Variants in ADGRV1 observed in about 807,000 individuals in gnomAD.
ADGRV1 encodes the protein adhesion G protein-coupled receptor V1, also known as G-protein coupled receptor 98.
A neutral mutation model predicts 596.2 loss-of-function variants in ADGRV1; 359 were observed. The ratio of observed to expected loss-of-function variants is 0.60; its 90% CI spans 0.55 to 0.66. The LOEUF is 0.66. ADGRV1 is among the 30% of genes least tolerant of loss of function. The pLI is 0.00. For missense variants in ADGRV1, 7,274 were observed against 7,575.6 expected, an observed-to-expected ratio of 0.96 and a Z score of 1.48; for synonymous variants, 2,681 against 2,679.2, an observed-to-expected ratio of 1.00 and a Z score of -0.02.
intron 59 of ADGRV1, among the ~76,000 whole-genome samples, chr5:90,771,735 A>G (rs181889033): frequency 3.3e-4 from 50 of 152,336 alleles, no homozygotes; most frequent in Admixed American, 3.3e-3. Flanking sequence ...GTTGCTCTGC[A>G]CTGCTATTCA....
chr5:90,674,283 T>A, intron 23 of ADGRV1, 49 bp downstream of exon 23: 1 of 1,432,120 alleles, frequency 7.0e-7, no homozygotes, highest in Non-Finnish European at 9.3e-7. Context: ...TGGGTGTACT[T>A]AGTTTTGTTA....
intron 45 of ADGRV1, among the ~76,000 whole-genome samples, chr5:90,724,299 G>A (rs976825985): frequency 6.6e-5 from 10 of 151,718 alleles, no homozygotes; most frequent in African/African-American, 1.9e-4. Flanking sequence ...GCACTATCTC[G>A]GCTCACTACA....
intron 86 of ADGRV1, among the ~76,000 whole-genome samples, chr5:91,082,122 G>A (rs954602429): frequency 6.6e-6 from 1 of 152,194 alleles, no homozygotes; most frequent in Non-Finnish European, 1.5e-5. Flanking sequence ...TGTTGTTTAG[G>A]TGTGTTGCAC....
chr5:90,815,509 A>G (rs1327640252), intron 74 of ADGRV1, 110 bp from the exon 75 acceptor site: 1 of 593,202 alleles, frequency 1.7e-6, no homozygotes, highest in Non-Finnish European at 3.0e-6. Flanking sequence ...TCTCCTCACC[A>G]CCTGTGAATT....
intron 29 of ADGRV1, among the ~76,000 whole-genome samples, chr5:90,688,278 A>G (rs1206996180): frequency 2.0e-5 from 3 of 152,208 alleles, no homozygotes; most frequent in Admixed American, 1.3e-4. Flanking sequence ...CAAACCTGAG[A>G]AAAACAGCAA....
chr5:90,583,484 C>T (rs1316321491), intron 1 of ADGRV1, among the ~76,000 whole-genome samples: 1 of 152,072 alleles, frequency 6.6e-6, no homozygotes, highest in Non-Finnish European at 1.5e-5. Flanking sequence ...TTTCATGGCA[C>T]CATACATTTG....
At chr5:90,813,029 A>G (rs1055229451) in intron 74 of ADGRV1, among the ~76,000 whole-genome samples, 4 of 145,766 alleles carry the variant, frequency 2.7e-5, no homozygotes, top group Non-Finnish European at 4.5e-5. Context: ...GCTACTCGGG[A>G]GGCTGAGGCA....
At chr5:90,580,948 TTTTA>T (rs1757950810) in intron 1 of ADGRV1, among the ~76,000 whole-genome samples, 1 of 152,180 alleles carries the variant, frequency 6.6e-6, no homozygotes, top group Non-Finnish European at 1.5e-5. Flanking sequence ...GCTTTGTTCG[TTTTA>T]TTTTACTCTT....
intron 83 of ADGRV1, among the ~76,000 whole-genome samples, chr5:90,906,385 T>G (rs1487618790): frequency 2.0e-5 from 3 of 152,160 alleles, no homozygotes; most frequent in African/African-American, 4.8e-5. Flanking sequence ...GAAATTTTAT[T>G]ACAGCTTTGA....
rs148270656 is a variant in ADGRV1, at chr5:91,008,103, C to G, written c.18152+22581C>G. Reference sequence around the variant, plus strand: ...TATCATTTAGAAGATATCTTACAGTCAAATATTTATCTCTCATAAATAAAT... The same window carrying G: ...TATCATTTAGAAGATATCTTACAGTGAAATATTTATCTCTCATAAATAAAT... On this transcript the variant is annotated intron_variant, in intron 85 of 89. Transcript: ENST00000405460. Among the ~76,000 whole-genome samples, 952 of 152,220 alleles carry G rather than the reference C, an allele frequency of 6.3e-3. 13 individuals carry two copies. The highest frequency in any genetic ancestry group is 9.9e-3 in the Admixed American group (151 of 15,282).
chr5:90,829,058 C>T lies in ADGRV1; in HGVS notation c.16483C>T (p.Gln5495Ter). The T allele has an allele frequency of 6.2e-7, 1 of 1,612,664 alleles. No individual in the cohort carries two copies. Among genetic ancestry groups the T allele is most frequent in the Non-Finnish European group, 8.5e-7 (1 of 1,179,074 alleles). The change falls in exon 77 of 90, where the codon CAA becomes TAA. Residue 5495 changes from glutamine (Q) to a stop codon, truncating the protein, a stop_gained. Transcript: ENST00000405460. LOFTEE classifies it high-confidence loss of function. ...TAAAATCTTAGAAAGTGATGAATCTCAAAGCCTTGTGTATTTTTCTGTGGG... is the reference window on the plus strand; with the variant it reads ...TAAAATCTTAGAAAGTGATGAATCTTAAAGCCTTGTGTATTTTTCTGTGGG... ...QIKILESDES[Q>*]SLVYFSVGSR...
chr5:90,572,480 A>G (rs1230588948), intron 1 of ADGRV1, among the ~76,000 whole-genome samples: 1 of 152,218 alleles, frequency 6.6e-6, no homozygotes, highest in African/African-American at 2.4e-5. Flanking sequence ...GAAAGCAGAA[A>G]CAAAGACCAA....
chr5:90,620,345 T>C (rs934584140), intron 4 of ADGRV1, among the ~76,000 whole-genome samples: 8 of 152,330 alleles, frequency 5.3e-5, no homozygotes, highest in South Asian at 4.1e-4. Context: ...ATTTCTCTGA[T>C]GGCCAGTGAT....
chr5:90,731,628 G>C (rs1752557087), intron 50 of ADGRV1, among the ~76,000 whole-genome samples: 1 of 152,206 alleles, frequency 6.6e-6, no homozygotes, highest in South Asian at 2.1e-4. Flanking sequence ...AGATGAAAGT[G>C]CCAGCGACAG....
intron 11 of ADGRV1, among the ~76,000 whole-genome samples, chr5:90,640,450 G>A (rs1376416983): frequency 1.3e-5 from 2 of 152,022 alleles, no homozygotes; most frequent in African/African-American, 4.8e-5. Flanking sequence ...TCTAATTAAA[G>A]CTACTAAGTA....
rs369357110 is a variant in ADGRV1, at chr5:90,738,565, C to A, written c.10550-6481C>A. On this transcript the variant is annotated intron_variant, in intron 50 of 89. Transcript: ENST00000405460. ...ATTCTCTCTTGTTTCTGAAGGACAG[C>A]TTTCCTGAGTAAAGTATTCTTGGTA... 1.7e-4 allele frequency among the ~76,000 whole-genome samples: 26 copies of A among 152,230 alleles called. No homozygotes were observed. The East Asian group carries it at 2.3e-3, about 14-fold the overall frequency.
intron 34 of ADGRV1, among the ~76,000 whole-genome samples, chr5:90,703,394 TAA>T (rs1203027213): frequency 6.6e-6 from 1 of 152,144 alleles, no homozygotes; most frequent in East Asian, 1.9e-4. Context: ...TTGGAGTGTA[TAA>T]AAGTTTGTGT....
At chr5:90,928,816 G>A (rs1468191514) in intron 83 of ADGRV1, among the ~76,000 whole-genome samples, 1 of 151,242 alleles carries the variant, frequency 6.6e-6, no homozygotes, top group African/African-American at 2.4e-5. Context: ...TTTTGGTGTG[G>A]ATGTCCTTTC....
At chr5:90,852,352 T>C (rs1401767227) in intron 79 of ADGRV1, among the ~76,000 whole-genome samples, 1 of 152,226 alleles carries the variant, frequency 6.6e-6, no homozygotes, top group African/African-American at 2.4e-5. Context: ...TACGACGTAG[T>C]TGTACATACT....
Sources: allele counts gnomAD v4.1 joint callset (sites outside exome capture counted in the v4.1 genomes callset), GRCh38; gene constraint gnomAD v4.1.1; transcripts MANE v1.5; gene names NCBI Gene and HGNC (gene_info 2026-07-23, HGNC 2026-07-21).